KSR2: variants seen among roughly 807,000 people sequenced by gnomAD.
The protein encoded by KSR2 is kinase suppressor of ras 2.
A neutral mutation model predicts 107.8 loss-of-function variants in KSR2; 25 were observed. The ratio of observed to expected loss-of-function variants is 0.23; its 90% CI spans 0.17 to 0.32. The LOEUF (loss-of-function observed/expected upper bound fraction) is 0.32. KSR2 is among the 10% of genes least tolerant of loss of function. The probability of loss-of-function intolerance (pLI) is 1.00; values close to 1 mark genes in which losing one functional copy is unlikely to be tolerated. For missense variants in KSR2, 887 were observed against 1,268.9 expected, an observed-to-expected ratio of 0.70 and a Z score of 4.57; for synonymous variants, 480 against 507.0, an observed-to-expected ratio of 0.95 and a Z score of 0.71.
At chr12:117,676,004 C>T (rs930627503) in intron 4 of KSR2, among the ~76,000 whole-genome samples, 1 of 152,228 alleles carries the variant, frequency 6.6e-6, no homozygotes, top group Middle Eastern at 3.2e-3. Context: ...ATCCTTTGCT[C>T]TTGGGCTGAT....
intron 12 of KSR2, among the ~76,000 whole-genome samples, chr12:117,528,842 G>T (rs1875408842): frequency 6.6e-6 from 1 of 152,212 alleles, no homozygotes; most frequent in Non-Finnish European, 1.5e-5. Context: ...GCAAAGAGTT[G>T]TCATCACTCC....
At chr12:117,824,187 A>G (rs1386221800) in intron 3 of KSR2, among the ~76,000 whole-genome samples, 1 of 151,994 alleles carries the variant, frequency 6.6e-6, no homozygotes, top group Admixed American at 6.6e-5. Flanking sequence ...CTCCTATGAA[A>G]CAGCTAAAAA....
chr12:117,713,414 C>A (rs542515352), intron 4 of KSR2, among the ~76,000 whole-genome samples: 1 of 152,200 alleles, frequency 6.6e-6, no homozygotes, highest in South Asian at 2.1e-4. Flanking sequence ...CTTTGGGGAA[C>A]TCTGATACAG....
intron 3 of KSR2, among the ~76,000 whole-genome samples, chr12:117,814,340 A>G (rs552670541): frequency 6.6e-4 from 101 of 152,286 alleles, no homozygotes; most frequent in Non-Finnish European, 1.1e-3. Context: ...ATCACTATAC[A>G]TTGTATGTAT....
intron 3 of KSR2, among the ~76,000 whole-genome samples, chr12:117,793,016 G>A (rs11832035): frequency 0.45 from 63,221 of 140,136 alleles, 14,801 homozygotes; most frequent in African/African-American, 0.65. Context: ...CCAACAGTAC[G>A]CACTCTCACA....
Position 117,473,287 on chromosome 12 carries a change from T to A in KSR2, c.2583-1967A>T, listed in dbSNP as rs554909413. Among the ~76,000 whole-genome samples the A allele has an allele frequency of 7.5e-4, 114 of 152,314 alleles. No individual in the cohort carries two copies. The South Asian group carries it at 0.023, about 30-fold the overall frequency. ...TTTTCAAAGGCGACTGTTGGCCTCA[T>A]GCTGCCTGAATAATAACAAAACCTA... is the stretch of plus-strand genomic sequence containing the variant. On this transcript the variant is annotated intron_variant, in intron 17 of 19. Transcript: ENST00000339824.
chr12:117,793,943 A>G (rs1593243629), intron 3 of KSR2, among the ~76,000 whole-genome samples: 1 of 125,304 alleles, frequency 8.0e-6, no homozygotes, highest in Non-Finnish European at 1.6e-5. Flanking sequence ...GCACACATAC[A>G]CCAACATGCG....
intron 1 of KSR2, among the ~76,000 whole-genome samples, chr12:117,912,490 A>G (rs1895045215): frequency 6.6e-6 from 1 of 152,218 alleles, no homozygotes; most frequent in African/African-American, 2.4e-5. Context: ...CTTATGGAAA[A>G]CCGTAATTCT....
chr12:117,694,319 A>T (rs1885959598), intron 4 of KSR2, among the ~76,000 whole-genome samples: 1 of 152,164 alleles, frequency 6.6e-6, no homozygotes. Context: ...AAGTCTCATG[A>T]GATCTGATGG....
intron 14 of KSR2, among the ~76,000 whole-genome samples, chr12:117,515,946 C>A (rs1804611037): frequency 1.3e-5 from 2 of 152,106 alleles, no homozygotes; most frequent in African/African-American, 4.8e-5. Context: ...TAAAACACAG[C>A]AATGTAATAG....
chr12:117,562,477 A>C (rs1878192480), intron 7 of KSR2, among the ~76,000 whole-genome samples: 1 of 152,150 alleles, frequency 6.6e-6, no homozygotes, highest in Admixed American at 6.5e-5. Flanking sequence ...AACTTCAAGA[A>C]AGAATATTTT....
chr12:117,752,459 T>C (rs774476509), intron 4 of KSR2, among the ~76,000 whole-genome samples: 6 of 152,194 alleles, frequency 3.9e-5, no homozygotes, highest in Admixed American at 2.6e-4. Flanking sequence ...TAAAAGCATA[T>C]AGTGTGGTTC....
intron 1 of KSR2, among the ~76,000 whole-genome samples, chr12:117,957,748 T>TACACACACACAC (rs60722226): frequency 5.0e-4 from 74 of 148,118 alleles, no homozygotes; most frequent in East Asian, 4.8e-3. Context: ...AATTGTGAGT[T>TACACACACACAC]ACACACACAC....
intron 4 of KSR2, among the ~76,000 whole-genome samples, chr12:117,696,959 GA>G (rs1359401181): frequency 6.6e-6 from 1 of 152,142 alleles, no homozygotes; most frequent in Non-Finnish European, 1.5e-5. Context: ...CCCAGAAAAT[GA>G]CATAATTTGT....
chr12:117,607,206 C>T (rs373836149), intron 5 of KSR2, among the ~76,000 whole-genome samples: 22 of 152,168 alleles, frequency 1.4e-4, no homozygotes, highest in African/African-American at 5.3e-4. Flanking sequence ...CTAACGAAGA[C>T]CTAGTTGCAT....
intron 3 of KSR2, among the ~76,000 whole-genome samples, chr12:117,824,562 T>TA (rs1298886400): frequency 1.2e-4 from 18 of 152,174 alleles, no homozygotes. Context: ...AAAATTATTT[T>TA]AAAAAAATTT....
intron 4 of KSR2, among the ~76,000 whole-genome samples, chr12:117,668,470 A>C (rs1884759592): frequency 6.6e-6 from 1 of 152,178 alleles, no homozygotes; most frequent in Non-Finnish European, 1.5e-5. Flanking sequence ...AGTGATATAG[A>C]CAAGGGACCC....
rs1310407896 is a variant in KSR2 at position 117,897,951 on chromosome 12, G to A, written c.181-37520C>T. 6.9e-6 allele frequency among the ~76,000 whole-genome samples: 1 copy of A among 144,528 alleles called. No individual in the cohort carries two copies. The highest frequency in any genetic ancestry group is 1.5e-5 in the Non-Finnish European group (1 of 67,042). 94.8% of individuals were successfully genotyped at this position (144,528 alleles called of 152,430 possible). On this transcript the variant is annotated intron_variant, in intron 1 of 19. Transcript: ENST00000339824. This position sits in a 1 kb window ranked among gnomAD's most constrained non-coding sequence, Gnocchi z 4.5. ...TGTGTGTCTGTGTGCACTCATACAC[G>A]TACACACACACAGTCATATGGTATA...
At chr12:117,929,844 C>T (rs780374567) in intron 1 of KSR2, among the ~76,000 whole-genome samples, 1 of 152,050 alleles carries the variant, frequency 6.6e-6, no homozygotes, top group South Asian at 2.1e-4. Context: ...TAGATGTTAC[C>T]GGGAGCAGGA....
Sources: allele counts gnomAD v4.1 joint callset (sites outside exome capture counted in the v4.1 genomes callset), GRCh38; gene constraint gnomAD v4.1.1; non-coding constraint Gnocchi (gnomAD v3.1); transcripts MANE v1.5; gene names NCBI Gene and HGNC (gene_info 2026-07-23, HGNC 2026-07-21).